The following P3H2 variants were observed in gnomAD, a reference collection of about 807,000 sequenced individuals.
P3H2 encodes the protein leprecan-like 1.
P3H2 carries 80 observed loss-of-function variants against 87.0 expected under a neutral mutation model. The ratio of observed to expected loss-of-function variants is 0.92; its 90% CI spans 0.77 to 1.11. P3H2 has a LOEUF of 1.11. Among genes scored for constraint, P3H2 ranks in the 50% least tolerant of loss-of-function variants. The pLI is 0.00. For missense variants in P3H2, 1,001 were observed against 923.9 expected (o/e 1.08, Z -1.08); for synonymous variants, 367 against 359.3 (o/e 1.02, Z -0.24).
chr3:190,119,986 G>A (rs1712472016), intron 1 of P3H2, among the ~76,000 whole-genome samples: 1 of 152,164 alleles, frequency 6.6e-6, no homozygotes, highest in African/African-American at 2.4e-5. Context: ...GTGCTGAATG[G>A]GTACTTTAAA....
chr3:190,107,417 GGATTT>G (rs1451774564), intron 1 of P3H2, among the ~76,000 whole-genome samples: 4 of 152,106 alleles, frequency 2.6e-5, no homozygotes, highest in Admixed American at 2.0e-4. Flanking sequence ...CTACGAATAA[GGATTT>G]TAATTTCTCT....
chr3:190,035,047 C>G (rs1257554364), intron 1 of P3H2, among the ~76,000 whole-genome samples: 1 of 151,818 alleles, frequency 6.6e-6, no homozygotes, highest in Non-Finnish European at 1.5e-5. Context: ...CAGTGTTTCA[C>G]CGTATTGGTC....
At chr3:190,041,420 C>T (rs934816738) in intron 1 of P3H2, among the ~76,000 whole-genome samples, 1 of 151,688 alleles carries the variant, frequency 6.6e-6, no homozygotes, top group Non-Finnish European at 1.5e-5. Context: ...ACTTTACCGC[C>T]TACTCAGCAA....
intron 1 of P3H2, among the ~76,000 whole-genome samples, chr3:190,069,724 A>G (rs1726631984): frequency 6.6e-6 from 1 of 152,192 alleles, no homozygotes; most frequent in Non-Finnish European, 1.5e-5. Context: ...ATGTCTGGAG[A>G]AGAAAGGGTT....
intron 10 of P3H2, 98 bp from the exon 11 acceptor site, chr3:189,973,122 T>A (rs2108909089): frequency 9.2e-7 from 1 of 1,084,584 alleles, no homozygotes; most frequent in African/African-American, 1.6e-5. Flanking sequence ...AGGATTGTCA[T>A]GTCTGTATTG....
intron 3 of P3H2, 97 bp from the exon 4 acceptor site, chr3:189,989,135 C>G: frequency 6.9e-7 from 1 of 1,450,870 alleles, no homozygotes; most frequent in Non-Finnish European, 9.6e-7. Flanking sequence ...CCTCACCTCA[C>G]CACACTGGAA....
In P3H2 at chr3:189,971,878, T is replaced by C; in HGVS notation, c.1817+12A>G. 6.7e-7 allele frequency: 1 copy of C among 1,483,046 alleles called. No homozygotes were observed. The highest frequency in any genetic ancestry group is 9.4e-7 in the Non-Finnish European group (1 of 1,060,346). The allele number at this position is 1,483,046 out of a possible 1,614,324, so 91.9% of individuals were successfully genotyped here. On this transcript the variant is annotated intron_variant, in intron 12 of 14. Coordinates refer to ENST00000319332, the MANE Select transcript of P3H2 (RefSeq NM_018192.4). ...GGTAAAAGCTTTGTTTTGAAGCAGG[T>C]TCTAGCTATACCTATAGTCTCGAAA...
At chr3:190,071,362 T>C (rs187140527) in intron 1 of P3H2, among the ~76,000 whole-genome samples, 28 of 152,352 alleles carry the variant, frequency 1.8e-4, no homozygotes, top group Admixed American at 3.3e-4. Context: ...ACTTAAAATA[T>C]GTTTAAGTTC....
At chr3:190,043,730 T>C (rs975694791) in intron 1 of P3H2, among the ~76,000 whole-genome samples, 5 of 152,184 alleles carry the variant, frequency 3.3e-5, no homozygotes, top group Non-Finnish European at 7.3e-5. Context: ...CAATCAAGTG[T>C]TTATATATCA....
At chr3:190,011,272 C>CAAAA (rs35396025) in intron 1 of P3H2, among the ~76,000 whole-genome samples, 1 of 107,204 alleles carries the variant, frequency 9.3e-6, no homozygotes, top group Non-Finnish European at 2.0e-5. Flanking sequence ...ACTCCATCTC[C>CAAAA]AAAAAAAAAA....
intron 1 of P3H2, among the ~76,000 whole-genome samples, chr3:190,031,861 G>A (rs747044183): frequency 1.3e-5 from 2 of 152,170 alleles, no homozygotes; most frequent in African/African-American, 2.4e-5. Flanking sequence ...CCAAAGTCAT[G>A]TAAGACAAGT....
At chr3:189,969,722 A>T in intron 13 of P3H2, 1 of 1,498,056 alleles carries the variant, frequency 6.7e-7, no homozygotes, top group Non-Finnish European at 9.3e-7. Flanking sequence ...TATCTTCCCC[A>T]AAATTAAGAC....
chr3:189,974,228 T>TAAA (rs1723276301), intron 9 of P3H2: 1 of 596,904 alleles, frequency 1.7e-6, no homozygotes, highest in Admixed American at 3.0e-5. Context: ...TTTATGGAAA[T>TAAA]AAAAAGAATG....
intron 1 of P3H2, among the ~76,000 whole-genome samples, chr3:189,995,831 C>A (rs1184679295): frequency 2.6e-5 from 4 of 151,970 alleles, no homozygotes; most frequent in Non-Finnish European, 5.9e-5. Flanking sequence ...AGAAGATATA[C>A]AATTGGCCAA....
At chr3:190,055,131 G>A (rs1254679019) in intron 1 of P3H2, among the ~76,000 whole-genome samples, 1 of 152,102 alleles carries the variant, frequency 6.6e-6, no homozygotes, top group African/African-American at 2.4e-5. Context: ...AGTGTAACAT[G>A]GGCATCAGAT....
At chr3:190,106,695 G>A (rs143905933) in intron 1 of P3H2, among the ~76,000 whole-genome samples, 1 of 152,226 alleles carries the variant, frequency 6.6e-6, no homozygotes, top group East Asian at 1.9e-4. Context: ...ATACCTGTTT[G>A]ATGTCAAAAC....
chr3:190,001,843 T>C (rs1239863470), intron 1 of P3H2, among the ~76,000 whole-genome samples: 1 of 152,342 alleles, frequency 6.6e-6, no homozygotes, highest in Admixed American at 6.5e-5. Flanking sequence ...TTTTGCCAAC[T>C]TGAGTTAATT....
At chr3:190,118,205 C>G (rs1488741713) in intron 1 of P3H2, among the ~76,000 whole-genome samples, 1 of 152,086 alleles carries the variant, frequency 6.6e-6, no homozygotes, top group African/African-American at 2.4e-5. Context: ...CCAGGGAAAC[C>G]CACATATTGA....
At chr3:189,993,100 A>T (rs144422208) in intron 3 of P3H2, among the ~76,000 whole-genome samples, 3,210 of 152,176 alleles carry the variant, frequency 0.021, 87 homozygotes, top group African/African-American at 0.065. Context: ...AGGTGGGCGG[A>T]TTACCTGAGG....
Sources: gnomAD v4.1 joint callset for allele counts (sites outside exome capture counted in the v4.1 genomes callset) on GRCh38, gnomAD v4.1.1 for gene constraint, MANE v1.5 for transcripts, NCBI Gene and HGNC (gene_info 2026-07-23, HGNC 2026-07-21) for gene names.